PCDH15: variants seen among roughly 807,000 people sequenced by gnomAD.
PCDH15 encodes the protein protocadherin-15.
In PCDH15, 129 loss-of-function variants were observed where a neutral mutation model predicts 178.5. That is an observed-to-expected ratio of 0.72 (90% CI 0.63 to 0.84). The LOEUF (loss-of-function observed/expected upper bound fraction) is 0.84. Among genes scored for constraint, PCDH15 ranks in the 40% least tolerant of loss-of-function variants. PCDH15 has a pLI of 0.00. For synonymous variants in PCDH15, 800 were observed against 732.0 expected (o/e 1.09, Z -1.50); for missense variants, 2,230 against 2,099.9 (o/e 1.06, Z -1.21).
intron 1 of PCDH15, among the ~76,000 whole-genome samples, chr10:55,244,705 G>A (rs1841641803): frequency 6.6e-6 from 1 of 151,164 alleles, no homozygotes. Flanking sequence ...GTTCCCAATG[G>A]AATTCACTAA....
intron 1 of PCDH15, among the ~76,000 whole-genome samples, chr10:54,787,641 C>T (rs1056917046): frequency 2.6e-5 from 4 of 151,898 alleles, no homozygotes; most frequent in Non-Finnish European, 5.9e-5. Context: ...ACCTTCCCTT[C>T]ATGGGGCAGA....
chr10:54,976,056 G>A (rs1839063269), intron 2 of PCDH15, among the ~76,000 whole-genome samples: 1 of 151,920 alleles, frequency 6.6e-6, no homozygotes, highest in Non-Finnish European at 1.5e-5. Context: ...GAAAACAACT[G>A]GTTACCTGGA....
Position 54,215,229 on chromosome 10 carries a change from T to C in PCDH15, c.986-1181A>G, listed in dbSNP as rs187531784. Among the ~76,000 whole-genome samples, 126 of 152,232 alleles carry C rather than the reference T, an allele frequency of 8.3e-4. 1 individual carries two copies. In the South Asian group the frequency reaches 0.012, roughly 15 times the overall value. On this transcript the variant is annotated intron_variant, in intron 9 of 37. Transcript: ENST00000644397. ...GGGACAATCTGAAACAGAGCTTTTA[T>C]TAAAAATCCAGGCTGCCAGATGTTA...
intron 3 of PCDH15, among the ~76,000 whole-genome samples, chr10:54,437,079 T>C (rs1363750847): frequency 6.6e-6 from 1 of 152,108 alleles, no homozygotes; most frequent in Non-Finnish European, 1.5e-5. Context: ...GCACGGACTC[T>C]AAATTGAGGA....
chr10:54,687,758 G>C (rs1444349305), intron 1 of PCDH15, among the ~76,000 whole-genome samples: 1 of 152,026 alleles, frequency 6.6e-6, no homozygotes, highest in Non-Finnish European at 1.5e-5. Context: ...GTCTCCACTT[G>C]TCATGGTGGA....
At chr10:54,398,457 A>C (rs1016292522) in intron 3 of PCDH15, among the ~76,000 whole-genome samples, 2 of 152,012 alleles carry the variant, frequency 1.3e-5, no homozygotes. Flanking sequence ...TATATAACAA[A>C]ATTGTCCTAA....
At chr10:54,703,649 T>C (rs1017241854) in intron 1 of PCDH15, among the ~76,000 whole-genome samples, 1 of 151,696 alleles carries the variant, frequency 6.6e-6, no homozygotes, top group Non-Finnish European at 1.5e-5. Flanking sequence ...AAACGTAAAA[T>C]ACCTAAAAAT....
chr10:54,541,972 A>G (rs907052338), intron 2 of PCDH15, among the ~76,000 whole-genome samples: 1 of 152,214 alleles, frequency 6.6e-6, no homozygotes, highest in Non-Finnish European at 1.5e-5. Context: ...CAAGACAGTT[A>G]TGTGTACTTA....
At chr10:54,981,542 C>A (rs1201143945) in intron 2 of PCDH15, among the ~76,000 whole-genome samples, 1 of 152,162 alleles carries the variant, frequency 6.6e-6, no homozygotes, top group African/African-American at 2.4e-5. Context: ...GTAGGGCTTA[C>A]TCCATATCAA....
chr10:55,058,634 G>GT (rs1222892128), intron 2 of PCDH15, among the ~76,000 whole-genome samples: 5 of 152,034 alleles, frequency 3.3e-5, no homozygotes, highest in African/African-American at 7.2e-5. Flanking sequence ...CATAATGTAT[G>GT]TTTTTTTATC....
intron 2 of PCDH15, among the ~76,000 whole-genome samples, chr10:55,566,634 A>G (rs1490503814): frequency 6.6e-6 from 1 of 151,838 alleles, no homozygotes; most frequent in African/African-American, 2.4e-5. Flanking sequence ...GCATATCTAT[A>G]CAATAACAAA....
At chr10:54,255,095 C>G (rs2056794726) in intron 8 of PCDH15, among the ~76,000 whole-genome samples, 1 of 152,186 alleles carries the variant, frequency 6.6e-6, no homozygotes, top group Admixed American at 6.5e-5. Context: ...CTCATAACAC[C>G]TTACAAGAGC....
At chr10:54,264,729 A>G (rs1057502166) in intron 8 of PCDH15, among the ~76,000 whole-genome samples, 1 of 152,160 alleles carries the variant, frequency 6.6e-6, no homozygotes, top group African/African-American at 2.4e-5. Context: ...AATATTTTTT[A>G]AAAAGACAAA....
rs183312926 is a variant in PCDH15, at chr10:53,923,319, T to C, written c.3373+15496A>G. Reference sequence around the variant, plus strand: ...AAAAGGGATAAGAACAGGAACAAGATTGATTAATTGAACTTACGAAAGTTC... The same window carrying C: ...AAAAGGGATAAGAACAGGAACAAGACTGATTAATTGAACTTACGAAAGTTC... On this transcript the variant is annotated intron_variant, in intron 25 of 37. Transcript: ENST00000644397. 1.1e-3 allele frequency among the ~76,000 whole-genome samples: 175 copies of C among 152,194 alleles called. 2 individuals are homozygous for C. The highest frequency in any genetic ancestry group is 5.9e-5 in the Non-Finnish European group (4 of 68,002).
intron 3 of PCDH15, among the ~76,000 whole-genome samples, chr10:54,490,378 A>C (rs1163617224): frequency 1.3e-5 from 2 of 152,080 alleles, no homozygotes; most frequent in Non-Finnish European, 2.9e-5. Flanking sequence ...TGAACCCGGG[A>C]GGCAGAGCTT....
At chr10:54,749,553 A>G (rs1332218577) in intron 1 of PCDH15, among the ~76,000 whole-genome samples, 7 of 152,156 alleles carry the variant, frequency 4.6e-5, no homozygotes, top group Non-Finnish European at 1.0e-4. Context: ...ATACTTTTTT[A>G]GAATCTCTTC....
chr10:54,662,243 G>A (rs1056094846), intron 2 of PCDH15, among the ~76,000 whole-genome samples: 30 of 151,808 alleles, frequency 2.0e-4, no homozygotes, highest in African/African-American at 7.2e-4. Flanking sequence ...AGGAAAGAAT[G>A]TAAACAGACA....
At chr10:55,238,828 G>C (rs1389664396) in intron 1 of PCDH15, among the ~76,000 whole-genome samples, 2 of 151,990 alleles carry the variant, frequency 1.3e-5, no homozygotes, top group African/African-American at 4.8e-5. Context: ...GGTAACTGGG[G>C]TATCTATTGC....
intron 2 of PCDH15, among the ~76,000 whole-genome samples, chr10:54,984,651 C>G (rs750460348): frequency 2.0e-5 from 3 of 152,096 alleles, no homozygotes; most frequent in Admixed American, 6.5e-5. Context: ...CCAGCCTGGG[C>G]AACATCGTAA....
Sources: gnomAD v4.1 joint callset for allele counts (sites outside exome capture counted in the v4.1 genomes callset) on GRCh38, gnomAD v4.1.1 for gene constraint, MANE v1.5 for transcripts, NCBI Gene and HGNC (gene_info 2026-07-23, HGNC 2026-07-21) for gene names.